Variants in RGS3 observed in about 807,000 individuals in gnomAD.
RGS3 encodes regulator of G protein signaling 3.
Under a neutral mutation model 132.6 loss-of-function variants are expected in RGS3, and 80 were observed. The ratio of observed to expected loss-of-function variants is 0.60; its 90% confidence interval spans 0.50 to 0.73. The LOEUF (loss-of-function observed/expected upper bound fraction) is 0.73, where lower values mean the gene tolerates loss of function less well. Among genes scored for constraint, RGS3 ranks in the 30% least tolerant of loss-of-function variants. RGS3 has a pLI of 0.00. For missense variants in RGS3, 1,382 were observed against 1,530.8 expected, an observed-to-expected ratio of 0.90 and a Z score of 1.62; for synonymous variants, 598 against 620.6, an observed-to-expected ratio of 0.96 and a Z score of 0.54.
In RGS3 at chr9:113,572,362, C is replaced by G. The variant is rs572387923; in HGVS notation, c.2038-11088C>G. ...TCAGCCAAACCTAGCCCTGACATCA[C>G]CCCCAAGCAGAGATAGGGTGTGCCT... is the stretch of plus-strand genomic sequence containing the variant. On this transcript the variant is annotated intron_variant, in intron 19 of 24. Coordinates refer to ENST00000350696, the Ensembl canonical transcript of RGS3. 2.6e-5 allele frequency among the ~76,000 whole-genome samples: 4 copies of G among 152,060 alleles called. No homozygotes were observed. The East Asian group carries it at 7.8e-4, about 29-fold the overall frequency.
intron 19 of RGS3, among the ~76,000 whole-genome samples, chr9:113,575,991 G>A (rs1312714662): frequency 6.6e-6 from 1 of 152,128 alleles, no homozygotes; most frequent in Non-Finnish European, 1.5e-5. Context: ...ATGAGGTCAG[G>A]AGATCGAGAC....
In RGS3 at chr9:113,507,731, C is replaced by T; in HGVS notation, c.1437+93C>T. ...GACCCAAAGTTGTGTGATGAGCAGC[C>T]TGTGAGGGGCTGCGATGTTGGGCAA... is the stretch of plus-strand genomic sequence containing the variant. On this transcript the variant is annotated intron_variant, in intron 13 of 24. Transcript: ENST00000350696. The surrounding 1 kb of genome is among the most constrained non-coding windows in gnomAD (Gnocchi z 5.0). 2 of 1,026,722 alleles carry T rather than the reference C, an allele frequency of 1.9e-6. No individual in the cohort carries two copies. Among genetic ancestry groups the T allele is most frequent in the Non-Finnish European group, 2.7e-6 (2 of 731,078 alleles). 63.6% of individuals were successfully genotyped at this position (1,026,722 alleles called of 1,614,324 possible).
chr9:113,457,679 C>T (rs192925655), upstream of RGS3, among the ~76,000 whole-genome samples: 1 of 152,298 alleles, frequency 6.6e-6, no homozygotes, highest in Admixed American at 6.5e-5. Context: ...TGTTTATTTA[C>T]TAGTTTAGCA....
At chr9:113,473,201 C>T (rs996952151) in intron 3 of RGS3, among the ~76,000 whole-genome samples, 2 of 152,128 alleles carry the variant, frequency 1.3e-5, no homozygotes, top group African/African-American at 4.8e-5. Flanking sequence ...TCACTAAGTC[C>T]AGCCCATGTC....
chr9:113,502,538 C>G (rs1830947238), intron 10 of RGS3, among the ~76,000 whole-genome samples: 2 of 152,232 alleles, frequency 1.3e-5, no homozygotes, highest in African/African-American at 4.8e-5. Context: ...CCTTCAGGCC[C>G]CACTCTGTGT....
intron 20 of RGS3, among the ~76,000 whole-genome samples, chr9:113,589,403 G>C (rs901716314): frequency 1.3e-5 from 2 of 152,166 alleles, no homozygotes; most frequent in African/African-American, 4.8e-5. Context: ...CCAGGGGGCT[G>C]ACTCCTAGGG....
Position 113,595,855 on chromosome 9 carries a change from G to C in RGS3, c.3411+90G>C. The C allele has an allele frequency of 7.0e-6, 10 of 1,427,776 alleles. No individual in the cohort carries two copies. The South Asian group carries it at 1.3e-4, about 18-fold the overall frequency. 88.4% of individuals were successfully genotyped at this position (1,427,776 alleles called of 1,614,324 possible). On this transcript the variant is annotated intron_variant, in intron 24 of 24. Coordinates refer to ENST00000350696, the Ensembl canonical transcript of RGS3. The stretch of plus-strand genomic sequence containing the variant: ...AGGTGGCAGCCAGCAGCACAGGAAG[G>C]GGAGAGGCCAGAATGACTCCATGAG...
rs184465006 is a variant in RGS3, at chr9:113,572,429, G to T, written c.2038-11021G>T. ...GTGAGGCTGAGTGTGCCTGAGGCTCGGGAGGGTGACCTTCGGCCACAGGGT... is the reference window on the plus strand; with the variant it reads ...GTGAGGCTGAGTGTGCCTGAGGCTCTGGAGGGTGACCTTCGGCCACAGGGT... On this transcript the variant is annotated intron_variant, in intron 19 of 24. Coordinates refer to ENST00000350696, the Ensembl canonical transcript of RGS3. Among the ~76,000 whole-genome samples, 4 of 152,112 alleles carry T rather than the reference G, an allele frequency of 2.6e-5. No individual in the cohort carries two copies. In the East Asian group the frequency reaches 7.8e-4, roughly 30 times the overall value.
chr9:113,455,386 G>C (rs913481513), upstream of RGS3, among the ~76,000 whole-genome samples: 1 of 152,144 alleles, frequency 6.6e-6, no homozygotes, highest in African/African-American at 2.4e-5. Context: ...TCATTATCAG[G>C]CCAGGAAAAG....
At chr9:113,462,750 C>T (rs1829506001) in intron 3 of RGS3, among the ~76,000 whole-genome samples, 1 of 152,222 alleles carries the variant, frequency 6.6e-6, no homozygotes, top group South Asian at 2.1e-4. Context: ...CAACACATAA[C>T]TCTTCTCTCC....
upstream of RGS3, among the ~76,000 whole-genome samples, chr9:113,460,039 CAAA>C (rs879005762): frequency 8.9e-6 from 1 of 112,124 alleles, no homozygotes; most frequent in African/African-American, 3.4e-5. Context: ...GAAACTCTCT[CAAA>C]AAAAAAAAAA....
intron 18 of RGS3, among the ~76,000 whole-genome samples, chr9:113,530,368 G>A (rs890854518): frequency 1.3e-5 from 2 of 152,254 alleles, no homozygotes; most frequent in African/African-American, 4.8e-5. Flanking sequence ...TGGGGAACTG[G>A]GCTGCCTGAA....
At chr9:113,500,280 G>C (rs1363670585) in intron 10 of RGS3, among the ~76,000 whole-genome samples, 1 of 152,240 alleles carries the variant, frequency 6.6e-6, no homozygotes, top group Non-Finnish European at 1.5e-5. Flanking sequence ...TGCTGTGCAG[G>C]TGGGGAGATG....
At chr9:113,487,408 GCCT>G (rs761407691) in intron 7 of RGS3, among the ~76,000 whole-genome samples, 21 of 152,196 alleles carry the variant, frequency 1.4e-4, no homozygotes, top group Non-Finnish European at 2.5e-4. Context: ...ACCGCGCCCG[GCCT>G]GTCTCATTTA....
intron 3 of RGS3, among the ~76,000 whole-genome samples, chr9:113,469,042 A>ATTTTT (rs145400431): frequency 2.9e-5 from 3 of 102,132 alleles, no homozygotes; most frequent in African/African-American, 1.1e-4. Flanking sequence ...TTTGCTCAGC[A>ATTTTT]TTTTTTTTTT....
intron 19 of RGS3, among the ~76,000 whole-genome samples, chr9:113,550,872 T>G (rs2118740987): frequency 6.6e-6 from 1 of 152,324 alleles, no homozygotes; most frequent in Middle Eastern, 3.4e-3. Context: ...ATAAGGATAT[T>G]TGTGTGTTAG....
intron 24 of RGS3, 81 bp downstream of exon 22, chr9:113,595,846 C>T: frequency 5.4e-6 from 8 of 1,492,016 alleles, no homozygotes; most frequent in Non-Finnish European, 7.4e-6. Flanking sequence ...CAGCCAGCAG[C>T]ACAGGAAGGG....
At chr9:113,533,215 C>T (rs550841580) in intron 18 of RGS3, among the ~76,000 whole-genome samples, 5 of 151,200 alleles carry the variant, frequency 3.3e-5, no homozygotes, top group East Asian at 3.9e-4. Context: ...AGCATGAGAT[C>T]GTGGGTGGGA....
rs1829493073 is a variant in RGS3, at chr9:113,462,238, TG to T, written c.415+39del. 8 of 1,348,994 alleles carry T rather than the reference TG, an allele frequency of 5.9e-6. No individual in the cohort carries two copies. The Admixed American group carries it at 1.7e-4, about 29-fold the overall frequency. The allele number at this position is 1,348,994 out of a possible 1,614,324, so 83.6% of individuals were successfully genotyped here. A position where few individuals can be genotyped will look rare whatever the true frequency, so the allele number is the denominator to read the frequency against. The stretch of plus-strand genomic sequence containing the variant: ...TGTCACTGGCTTGAGGCTAGGAGAG[TG>T]GACCTGCTCTTGTTAAAGGCAGTGT... On this transcript the variant is annotated intron_variant, in intron 3 of 24. Transcript: ENST00000350696.
Sources: gnomAD v4.1 joint callset for allele counts (sites outside exome capture counted in the v4.1 genomes callset) on GRCh38, gnomAD v4.1.1 for gene constraint, Gnocchi (gnomAD v3.1) non-coding constraint, MANE v1.5 for transcripts, NCBI Gene and HGNC (gene_info 2026-07-23, HGNC 2026-07-21) for gene names.